Variants in STXBP4 observed in about 807,000 individuals in gnomAD.
STXBP4 encodes the protein syntaxin-binding protein 4.
In STXBP4, 55 loss-of-function variants were observed where a neutral mutation model predicts 76.1. The observed-to-expected ratio is 0.72, with a 90% CI of 0.58 to 0.91. The LOEUF (loss-of-function observed/expected upper bound fraction) is 0.91, where lower values mean the gene tolerates loss of function less well. Among genes scored for constraint, STXBP4 ranks in the 40% least tolerant of loss-of-function variants. The pLI is 0.00. For synonymous variants in STXBP4, 201 were observed against 220.2 expected, an observed-to-expected ratio of 0.91 and a Z score of 0.77; for missense variants, 618 against 636.9, an observed-to-expected ratio of 0.97 and a Z score of 0.32.
At chr17:55,045,477 A>G (rs2078772951) in intron 11 of STXBP4, among the ~76,000 whole-genome samples, 1 of 151,972 alleles carries the variant, frequency 6.6e-6, no homozygotes, top group South Asian at 2.1e-4. Context: ...TCATTTCCTT[A>G]TAGTTTATCA....
chr17:55,078,045 T>G lies in STXBP4; in HGVS notation c.1189-33T>G, dbSNP rs544914325. On this transcript the variant is annotated intron_variant, in intron 13 of 17. Transcript: ENST00000376352. ...GACCAGTAATGTAAAACTGAAGAAA[T>G]GTGTAAATGCTCCTTTTGATATCTC... The G allele has an allele frequency of 1.6e-5, 22 of 1,370,276 alleles. No homozygotes were observed. The East Asian group carries it at 5.0e-4, about 31-fold the overall frequency. 84.9% of individuals were successfully genotyped at this position (1,370,276 alleles called of 1,614,324 possible). A position where few individuals can be genotyped will look rare whatever the true frequency, so the allele number is the denominator to read the frequency against.
At position 55,169,473 on chromosome 17, in the gene STXBP4, CTGAA is replaced by C. The variant is rs2080395153; in HGVS notation, c.*9565_*9568del. On this transcript the variant is annotated 3_prime_UTR_variant, in exon 18 of 18. Coordinates refer to ENST00000376352, the MANE Select transcript of STXBP4 (RefSeq NM_178509.6). ...GCCGTCCAACAAAGAGGTGCAGGTGCTGAATGTTGAGAGTGAAAGCACAGGGAGC... is the reference window on the plus strand; with the variant it reads ...GCCGTCCAACAAAGAGGTGCAGGTGCTGTTGAGAGTGAAAGCACAGGGAGC... 1 of 152,154 alleles carries C rather than the reference CTGAA, an allele frequency of 6.6e-6. No individual in the cohort carries two copies. The highest frequency in any genetic ancestry group is 1.5e-5 in the Non-Finnish European group (1 of 68,064). The allele number at this position is 152,154 out of a possible 1,614,324, so 9.4% of individuals were successfully genotyped here.
downstream of STXBP4, chr17:55,173,645 T>C (rs993783361): frequency 6.6e-6 from 1 of 152,238 alleles, no homozygotes; most frequent in Admixed American, 6.5e-5. Context: ...TATTGGTTTT[T>C]GTGTGAACAT....
chr17:55,007,630 A>C, intron 8 of STXBP4, 33 bp downstream of exon 8: 1 of 1,533,724 alleles, frequency 6.5e-7, no homozygotes, highest in Non-Finnish European at 9.0e-7. Flanking sequence ...TTTCTTCCAT[A>C]AGACAAAAAC....
At chr17:55,029,814 G>A (rs913229540) in intron 8 of STXBP4, among the ~76,000 whole-genome samples, 7 of 152,104 alleles carry the variant, frequency 4.6e-5, no homozygotes, top group South Asian at 2.1e-4. Context: ...CCTTGAGACC[G>A]TAAACTCTTT....
chr17:55,119,508 T>C (rs2145084619), intron 16 of STXBP4, among the ~76,000 whole-genome samples: 1 of 152,176 alleles, frequency 6.6e-6, no homozygotes, highest in South Asian at 2.1e-4. Context: ...AAATGAGAGC[T>C]GATATATTTT....
At chr17:55,196,732 A>G in the STXBP4 span, among the ~76,000 whole-genome samples, 1 of 152,216 alleles carries the variant, frequency 6.6e-6, no homozygotes, top group African/African-American at 2.4e-5. Flanking sequence ...TGTTTTATGA[A>G]TGAATATTTA....
chr17:55,153,229 A>G (rs2080235735), intron 17 of STXBP4, among the ~76,000 whole-genome samples: 3 of 152,224 alleles, frequency 2.0e-5, no homozygotes, highest in Admixed American at 2.0e-4. Flanking sequence ...TGGCACTATT[A>G]GAAACAATCA....
chr17:55,175,741 T>G (rs907250178), downstream of STXBP4, among the ~76,000 whole-genome samples: 39 of 152,322 alleles, frequency 2.6e-4, no homozygotes, highest in Admixed American at 9.2e-4. Flanking sequence ...AGAGCTGTAG[T>G]TGCAGAGGGA....
chr17:55,024,827 A>T (rs375776665), intron 8 of STXBP4, among the ~76,000 whole-genome samples: 23 of 152,244 alleles, frequency 1.5e-4, no homozygotes, highest in African/African-American at 5.5e-4. Context: ...CCCAAATTTC[A>T]CAATGTCATG....
At chr17:55,004,756 AGGAGAAGGAGACGGAG>A (rs1424566915) in intron 7 of STXBP4, among the ~76,000 whole-genome samples, 4 of 151,634 alleles carry the variant, frequency 2.6e-5, no homozygotes, top group African/African-American at 4.8e-5. Flanking sequence ...GGGGAGGAGG[AGGAGAAGGAGACGGAG>A]GGAGAAGGAG....
At chr17:55,196,636 C>T in the STXBP4 span, among the ~76,000 whole-genome samples, 1 of 152,186 alleles carries the variant, frequency 6.6e-6, no homozygotes, top group Non-Finnish European at 1.5e-5. Flanking sequence ...ATGTCTGTTC[C>T]CCACAACTAG....
chr17:55,100,446 T>G (rs1005127851), intron 16 of STXBP4, among the ~76,000 whole-genome samples: 1 of 152,176 alleles, frequency 6.6e-6, no homozygotes, highest in Non-Finnish European at 1.5e-5. Flanking sequence ...CAAGGGAAGC[T>G]TCACAGAATT....
the STXBP4 span, among the ~76,000 whole-genome samples, chr17:55,188,014 C>G: frequency 3.3e-5 from 5 of 152,090 alleles, no homozygotes; most frequent in Non-Finnish European, 5.9e-5. Context: ...GTTATCATAT[C>G]CATTTTACAG....
At chr17:55,193,717 A>T in the STXBP4 span, among the ~76,000 whole-genome samples, 1 of 150,800 alleles carries the variant, frequency 6.6e-6, no homozygotes, top group African/African-American at 2.4e-5. Flanking sequence ...TCACTTCAAA[A>T]ATTTGGAGAA....
intron 16 of STXBP4, among the ~76,000 whole-genome samples, chr17:55,089,899 A>T (rs1331368880): frequency 9.8e-5 from 15 of 152,288 alleles, no homozygotes; most frequent in Non-Finnish European, 1.6e-4. Context: ...GGAAATGATA[A>T]CTAGAATACA....
At chr17:55,124,726 C>T (rs146850796) in intron 16 of STXBP4, among the ~76,000 whole-genome samples, 21 of 152,304 alleles carry the variant, frequency 1.4e-4, no homozygotes, top group African/African-American at 4.8e-4. Context: ...ATATCACAGC[C>T]TGAGAGGCTT....
chr17:55,132,051 A>G (rs888912952), intron 16 of STXBP4, among the ~76,000 whole-genome samples: 10 of 152,206 alleles, frequency 6.6e-5, no homozygotes, highest in African/African-American at 2.4e-4. Context: ...ACATCATGTT[A>G]TCTTTGTGTA....
intron 17 of STXBP4, among the ~76,000 whole-genome samples, chr17:55,156,175 C>G (rs1046707003): frequency 4.6e-5 from 7 of 152,084 alleles, no homozygotes; most frequent in African/African-American, 7.2e-5. Context: ...TTTTCCAAAC[C>G]TCTAAATTTT....
Sources: gnomAD v4.1 joint callset for allele counts (sites outside exome capture counted in the v4.1 genomes callset) on GRCh38, gnomAD v4.1.1 for gene constraint, MANE v1.5 for transcripts, NCBI Gene and HGNC (gene_info 2026-07-23, HGNC 2026-07-21) for gene names.